The following WNK3 variants were observed in gnomAD, a reference collection of about 807,000 sequenced individuals.
The protein encoded by WNK3 is WNK lysine deficient protein kinase 3, also known as serine/threonine-protein kinase WNK3.
In WNK3, 18 loss-of-function variants were observed where a neutral mutation model predicts 116.7. The observed-to-expected ratio is 0.15, with a 90% CI of 0.11 to 0.23. The LOEUF (loss-of-function observed/expected upper bound fraction) is 0.23, where lower values mean the gene tolerates loss of function less well. Ranked by LOEUF, WNK3 falls within the 10% of genes least tolerant of loss-of-function variation. WNK3 has a pLI of 1.00. For missense variants in WNK3, 993 were observed against 1,323.8 expected, an observed-to-expected ratio of 0.75 and a Z score of 3.88; for synonymous variants, 404 against 469.4, an observed-to-expected ratio of 0.86 and a Z score of 1.80.
chrX:54,311,382 T>A (rs782085198), intron 2 of WNK3, 91 bp from the exon 3 acceptor site: 3 of 634,703 alleles, frequency 4.7e-6, no homozygotes, highest in East Asian at 7.0e-5. Flanking sequence ...ATTGCATATA[T>A]GCATGGATGT....
intron 17 of WNK3, among the ~76,000 whole-genome samples, chrX:54,245,122 G>T (rs1487553856): frequency 9.4e-6 from 1 of 106,325 alleles, no homozygotes; most frequent in Non-Finnish European, 1.9e-5. Flanking sequence ...GAACTTTTTT[G>T]TGCATTTATG....
At chrX:54,326,896 G>A (rs1557173591) in intron 2 of WNK3, among the ~76,000 whole-genome samples, 1 of 110,356 alleles carries the variant, frequency 9.1e-6, no homozygotes, top group African/African-American at 3.3e-5. Flanking sequence ...TGAGACAGAA[G>A]AATTGCTTGA....
At chrX:54,266,039 T>C (rs1001400656) in intron 10 of WNK3, among the ~76,000 whole-genome samples, 21 of 108,653 alleles carry the variant, frequency 1.9e-4, no homozygotes, top group Admixed American at 1.6e-3. Context: ...ACGACAATGG[T>C]GAAGGTGTTG....
At chrX:54,261,584 T>C (rs2068256630) in intron 10 of WNK3, among the ~76,000 whole-genome samples, 1 of 111,998 alleles carries the variant, frequency 8.9e-6, no homozygotes, top group Non-Finnish European at 1.9e-5. Flanking sequence ...GATAAGCTTG[T>C]TTAACACCTT....
At chrX:54,259,644 C>T (rs1381924431) in intron 10 of WNK3, among the ~76,000 whole-genome samples, 7 of 111,438 alleles carry the variant, frequency 6.3e-5, no homozygotes, top group Admixed American at 9.6e-5. Flanking sequence ...GCTTCCAGTC[C>T]TAGTTGTAAG....
rs541007874 is a variant in WNK3, at chrX:54,211,660, C to T, written c.4871-9467G>A. 3.7e-5 allele frequency among the ~76,000 whole-genome samples: 4 copies of T among 109,451 alleles called. No individual in the cohort carries two copies. The South Asian group carries it at 1.2e-3, about 32-fold the overall frequency. On this transcript the variant is annotated intron_variant, in intron 22 of 23. Transcript: ENST00000354646. The stretch of plus-strand genomic sequence containing the variant: ...CTCTACTAAAAATACAAAAATTAGC[C>T]GGGCGTGGTGGCGGGCGCCTGTAGC...
chrX:54,285,244 A>C (rs1319952738), intron 10 of WNK3, among the ~76,000 whole-genome samples: 2 of 110,379 alleles, frequency 1.8e-5, no homozygotes, highest in African/African-American at 6.6e-5. Flanking sequence ...CCGTCTCTAT[A>C]AAAAAATCAA....
intron 6 of WNK3, among the ~76,000 whole-genome samples, chrX:54,300,455 C>T (rs1157051144): frequency 8.9e-6 from 1 of 112,040 alleles, no homozygotes; most frequent in Non-Finnish European, 1.9e-5. Context: ...CCACTACCCT[C>T]AACCTATTAT....
intron 19 of WNK3, 132 bp from the exon 20 acceptor site, chrX:54,237,683 C>A: frequency 1.7e-6 from 1 of 597,511 alleles, no homozygotes; most frequent in East Asian, 3.9e-5. Flanking sequence ...TTCAATCAGG[C>A]CCCTTGGGTA....
intron 2 of WNK3, among the ~76,000 whole-genome samples, chrX:54,328,620 G>A (rs1557173806): frequency 9.0e-6 from 1 of 110,899 alleles, no homozygotes; most frequent in Non-Finnish European, 1.9e-5. Context: ...AAAAAAAAAG[G>A]AGAAGACGAA....
chrX:54,272,673 A>G (rs1454492808), intron 10 of WNK3, among the ~76,000 whole-genome samples: 1 of 112,150 alleles, frequency 8.9e-6, no homozygotes, highest in Non-Finnish European at 1.9e-5. Flanking sequence ...ACACATCAAC[A>G]GAGTCCATTC....
Position 54,286,933 on chromosome X carries a change from C to A in WNK3, c.2037+5955G>T, listed in dbSNP as rs181193597. Among the ~76,000 whole-genome samples, 10 of 107,782 alleles carry A rather than the reference C, an allele frequency of 9.3e-5. No individual in the cohort carries two copies. The South Asian group carries it at 1.6e-3, about 18-fold the overall frequency. The allele number at this position is 107,782 out of a possible 115,157, so 93.6% of individuals were successfully genotyped here. ...ATCTCAAAAAAAAAAAAAAAGCAAT[C>A]AATTCCCCAAATTAACTAAATCTCA... On this transcript the variant is annotated intron_variant, in intron 10 of 23. Coordinates refer to ENST00000354646, the Ensembl canonical transcript of WNK3.
At chrX:54,287,872 C>A (rs1166767099) in intron 10 of WNK3, among the ~76,000 whole-genome samples, 1 of 111,994 alleles carries the variant, frequency 8.9e-6, no homozygotes, top group African/African-American at 3.2e-5. Flanking sequence ...TATTTTCCCC[C>A]ACGAGGATTT....
intron 1 of WNK3, among the ~76,000 whole-genome samples, chrX:54,340,376 G>C (rs1557176149): frequency 9.1e-6 from 1 of 110,049 alleles, no homozygotes; most frequent in Non-Finnish European, 1.9e-5. Flanking sequence ...CTGGGAGGCT[G>C]AGGCGGGTGG....
intron 1 of WNK3, among the ~76,000 whole-genome samples, chrX:54,340,269 T>C (rs1747796192): frequency 9.0e-6 from 1 of 111,680 alleles, no homozygotes; most frequent in African/African-American, 3.2e-5. Flanking sequence ...GGAGAAAGTA[T>C]GTGCCAAATC....
rs140257369 is a variant in WNK3, at chrX:54,333,451, A to C, written c.223T>G (p.Ser75Ala). ...GCCTTAATTCTCTCATCTTTGGGGGATGATTCGGCAACTTTGTCATCTTCC... is the reference window on the plus strand; with the variant it reads ...GCCTTAATTCTCTCATCTTTGGGGGCTGATTCGGCAACTTTGTCATCTTCC... The change falls in exon 2 of 24, where the codon TCC becomes GCC. Residue 75 changes from serine to alanine, a missense_variant. This residue lies in a region of WNK3 where 92 missense variants were observed against 98.7 expected (regional missense o/e 0.93). Coordinates refer to ENST00000354646, the Ensembl canonical transcript of WNK3. The C allele has an allele frequency of 3.2e-4, 390 of 1,208,880 alleles. 1 individual carries two copies. In the Middle Eastern group the frequency reaches 7.1e-3, roughly 22 times the overall value.
intron 1 of WNK3, among the ~76,000 whole-genome samples, chrX:54,351,122 G>T (rs1316103844): frequency 1.8e-5 from 2 of 111,050 alleles, no homozygotes; most frequent in Admixed American, 1.9e-4. Context: ...AAGCACACAG[G>T]AAGAAATACT....
intron 21 of WNK3, among the ~76,000 whole-genome samples, chrX:54,230,341 A>C (rs1214923862): frequency 8.9e-6 from 1 of 111,884 alleles, no homozygotes; most frequent in African/African-American, 3.2e-5. Flanking sequence ...GATACAAAAA[A>C]ATAGCAAAAA....
At chrX:54,209,431 AT>A (rs1648065461) in intron 22 of WNK3, among the ~76,000 whole-genome samples, 1 of 104,433 alleles carries the variant, frequency 9.6e-6, no homozygotes, top group African/African-American at 3.4e-5. Flanking sequence ...TAAAAAATAA[AT>A]AAATAAATAA....
Sources: allele counts gnomAD v4.1 joint callset (sites outside exome capture counted in the v4.1 genomes callset), GRCh38; gene constraint gnomAD v4.1.1; regional missense constraint gnomAD v4.1.1; transcripts MANE v1.5; gene names NCBI Gene and HGNC (gene_info 2026-07-23, HGNC 2026-07-21).